Variants in MFAP4 observed in about 807,000 individuals in gnomAD.
MFAP4 encodes microfibril associated protein 4.
Under a neutral mutation model 32.4 loss-of-function variants are expected in MFAP4, and 20 were observed. The ratio of observed to expected loss-of-function variants is 0.62; its 90% confidence interval spans 0.43 to 0.90. MFAP4 has a LOEUF of 0.90. Among genes scored for constraint, MFAP4 ranks in the 40% least tolerant of loss-of-function variants. The probability of loss-of-function intolerance (pLI) is 0.00; values close to 1 mark genes in which losing one functional copy is unlikely to be tolerated. For synonymous variants in MFAP4, 146 were observed against 137.4 expected (o/e 1.06, Z -0.44); for missense variants, 267 against 329.5 (o/e 0.81, Z 1.47).
In MFAP4 at chr17:19,385,149, T is replaced by C. The variant is rs917224849; in HGVS notation, c.470A>G (p.Glu157Gly). Residue 157 changes from glutamate to glycine, a missense_variant, in exon 5 of 6, where the codon GAG becomes GGG. Coordinates refer to ENST00000299610, the MANE Select transcript of MFAP4 (RefSeq NM_002404.3). The stretch of plus-strand genomic sequence containing the variant: ...CACAAAGAGGGTGTAGCCATCCTCC[T>C]CTGCGCTGACCGCGTTCGGGGAGAT... ...FSISPNAVSA[E>G]EDGYTLFVAG... The C allele has an allele frequency of 6.2e-7, 1 of 1,614,276 alleles. No individual in the cohort carries two copies. The highest frequency in any genetic ancestry group is 1.1e-5 in the South Asian group (1 of 91,090).
rs1912955241 is a variant in MFAP4 at position 19,384,662 on chromosome 17, G to C, written c.568C>G (p.Arg190Gly). 6.2e-7 allele frequency: 1 copy of C among 1,614,040 alleles called. No individual in the cohort carries two copies. The highest frequency in any genetic ancestry group is 8.5e-7 in the Non-Finnish European group (1 of 1,180,020). ...TTCTGCACAAAGAGGTCCTGGTCCC[G>C]GTCGAAGGTAGAGAACTTCTGGCCA... ...HSGQKFSTFD[R>G]DQDLFVQNCA... Residue 190 changes from arginine (R) to glycine (G), a missense_variant, in exon 6 of 6, where the codon CGG becomes GGG. Transcript: ENST00000299610.
intron 1 of MFAP4, 134 bp from the exon 2 acceptor site, chr17:19,386,972 T>TGCCGGGGGGCCCCCCCCCCC: frequency 1.2e-5 from 11 of 936,980 alleles, no homozygotes; most frequent in Non-Finnish European, 1.9e-5. Context: ...TGGCCCCTCT[T>TGCCGGGGGGCCCCCCCCCCC]CCCTGCCCCC....
rs376455652 is a variant in MFAP4 at position 19,386,301 on chromosome 17, C to G, written c.240+9G>C. ...CCAGCTCTGGCCTCTGTTCCCTCCT[C>G]CCACTCACCGTCCACTTCCCGCCCT... On this transcript the variant is annotated intron_variant, in intron 3 of 5. Coordinates refer to ENST00000299610, the MANE Select transcript of MFAP4 (RefSeq NM_002404.3). 4.4e-6 allele frequency: 7 copies of G among 1,587,216 alleles called. No homozygotes were observed. Among genetic ancestry groups the G allele is most frequent in the Middle Eastern group, 1.8e-4 (1 of 5,426 alleles).
chr17:19,386,972 T>TGCCAGGGGG, intron 1 of MFAP4, 134 bp from the exon 2 acceptor site: 1 of 937,014 alleles, frequency 1.1e-6, no homozygotes, highest in African/African-American at 1.7e-5. Context: ...TGGCCCCTCT[T>TGCCAGGGGG]CCCTGCCCCC....
In MFAP4 at chr17:19,386,458, T is replaced by C; in HGVS notation, c.92A>G (p.Glu31Gly). The change falls in exon 3 of 6, where the codon GAG becomes GGG. Residue 31 changes from glutamate to glycine, a missense_variant. Glu to Gly is a moderately conservative substitution (Grantham distance 98). Transcript: ENST00000299610. Reference sequence around the variant, plus strand: ...CAGGGGTTGCTGAAGGCAAAACCTCTCCAGAGCTGGGGGTAGGGACATGGG... The same window carrying C: ...CAGGGGTTGCTGAAGGCAAAACCTCCCCAGAGCTGGGGGTAGGGACATGGG... ...QVSGIRGDAL[E>G]RFCLQQPLDC... The C allele has an allele frequency of 6.2e-7, 1 of 1,612,314 alleles. No homozygotes were observed. Among genetic ancestry groups the C allele is most frequent in the Non-Finnish European group, 8.5e-7 (1 of 1,179,074 alleles).
At chr17:19,386,972 T>TGCCAGGCCCCCCCCCCCCCCC in intron 1 of MFAP4, 134 bp from the exon 2 acceptor site, 1 of 937,014 alleles carries the variant, frequency 1.1e-6, no homozygotes, top group Non-Finnish European at 1.7e-6. Context: ...TGGCCCCTCT[T>TGCCAGGCCCCCCCCCCCCCCC]CCCTGCCCCC....
Position 19,384,448 on chromosome 17 carries a change from A to G in MFAP4, c.*14T>C. The G allele has an allele frequency of 6.4e-7, 1 of 1,557,636 alleles. No homozygotes were observed. The highest frequency in any genetic ancestry group is 8.7e-7 in the Non-Finnish European group (1 of 1,149,698). ...GTGTCCAGGGGAGGAAAGGTGCCTG[A>G]GGGGGCCAGCCCTTCAGGCCCGGCG... On this transcript the variant is annotated 3_prime_UTR_variant, in exon 6 of 6. Transcript: ENST00000299610.
intron 3 of MFAP4, 34 bp downstream of exon 3, chr17:19,386,276 C>G: frequency 6.6e-7 from 1 of 1,522,596 alleles, no homozygotes; most frequent in Non-Finnish European, 8.8e-7. Context: ...GGGATTAGAA[C>G]CAGCTCTGGC....
Position 19,384,361 on chromosome 17 carries a change from G to T in MFAP4, c.*101C>A. ...CAAGGCCCCCTTGTAAGGAGTTGGT[G>T]CTCGGGAATCAGCAGAAGCATGCAT... On this transcript the variant is annotated 3_prime_UTR_variant, in exon 6 of 6. Coordinates refer to ENST00000299610, the MANE Select transcript of MFAP4 (RefSeq NM_002404.3). 1 of 1,382,544 alleles carries T rather than the reference G, an allele frequency of 7.2e-7. No homozygotes were observed. Among genetic ancestry groups the T allele is most frequent in the Non-Finnish European group, 9.8e-7 (1 of 1,025,624 alleles). The allele number at this position is 1,382,544 out of a possible 1,614,324, so 85.6% of individuals were successfully genotyped here. A position where few individuals can be genotyped will look rare whatever the true frequency, so the allele number is the denominator to read the frequency against.
intron 3 of MFAP4, among the ~76,000 whole-genome samples, chr17:19,385,802 G>A (rs1353107022): frequency 6.6e-6 from 1 of 152,204 alleles, no homozygotes; most frequent in Non-Finnish European, 1.5e-5. Context: ...TACTTCCCAG[G>A]ATTATTGTGA....
rs1289967098 is a variant in MFAP4 at position 19,385,289 on chromosome 17, G to A, written c.338-8C>T. ...GGTGCATGTTCTGCAGCCCTGGGGAGGAGGGGCAGCTGGTCAACAAGGACC... is the reference window on the plus strand; with the variant it reads ...GGTGCATGTTCTGCAGCCCTGGGGAAGAGGGGCAGCTGGTCAACAAGGACC... On this transcript the variant is annotated splice_region_variant and splice_polypyrimidine_tract_variant and intron_variant, in intron 4 of 5. Coordinates refer to ENST00000299610, the MANE Select transcript of MFAP4 (RefSeq NM_002404.3). The A allele has an allele frequency of 6.2e-7, 1 of 1,614,134 alleles. No homozygotes were observed. Among genetic ancestry groups the A allele is most frequent in the Non-Finnish European group, 8.5e-7 (1 of 1,180,036 alleles).
Position 19,387,157 on chromosome 17 carries a change from C to T in MFAP4, c.-2G>A, listed in dbSNP as rs139308357. On this transcript the variant is annotated 5_prime_UTR_variant, in exon 1 of 6. Coordinates refer to ENST00000299610, the MANE Select transcript of MFAP4 (RefSeq NM_002404.3). ...CGACCCTGGGCCCCGTACCTTCATG[C>T]TGTCAGTTCTGCTCAGAGTGGCTGG... 704 of 1,600,116 alleles carry T rather than the reference C, an allele frequency of 4.4e-4. 4 individuals carry two copies. In the African/African-American group the frequency reaches 8.2e-3, roughly 19 times the overall value.
chr17:19,386,722 G>C (rs1168935964), intron 2 of MFAP4, 38 bp downstream of exon 2: 3 of 1,549,420 alleles, frequency 1.9e-6, no homozygotes, highest in Non-Finnish European at 1.7e-6. Context: ...TGCACAACCT[G>C]TGGGCCAGGC....
In MFAP4 at chr17:19,386,816, A is replaced by G. The variant is rs1913053609; in HGVS notation, c.29T>C (p.Leu10Pro). The change falls in exon 2 of 6, where the codon CTG becomes CCG. Residue 10 changes from leucine (L) to proline (P), a missense_variant. Around this residue, in one of 3 missense-constraint regions of MFAP4, gnomAD observed 223 missense variants for 253.3 expected, o/e 0.88. Coordinates refer to ENST00000299610, the MANE Select transcript of MFAP4 (RefSeq NM_002404.3). The stretch of plus-strand genomic sequence containing the variant: ...ACACGGGGGCGTGGAGAGAAGCAGC[A>G]GCAGCGGCAGGGCCAGGAGTGCCTG... MKALLALPLLLLLSTPPCAP... is the reference protein window; with the variant it reads MKALLALPLPLLLSTPPCAP... 5 of 1,570,590 alleles carry G rather than the reference A, an allele frequency of 3.2e-6. No individual in the cohort carries two copies. The highest frequency in any genetic ancestry group is 1.9e-5 in the Admixed American group (1 of 53,440).
chr17:19,384,358 G>C lies in MFAP4; in HGVS notation c.*104C>G, dbSNP rs1284495568. On this transcript the variant is annotated 3_prime_UTR_variant, in exon 6 of 6. Transcript: ENST00000299610. ...CCACAAGGCCCCCTTGTAAGGAGTT[G>C]GTGCTCGGGAATCAGCAGAAGCATG... 7.4e-7 allele frequency: 1 copy of C among 1,353,260 alleles called. No homozygotes were observed. Among genetic ancestry groups the C allele is most frequent in the African/African-American group, 1.5e-5 (1 of 68,568 alleles). 83.8% of individuals were successfully genotyped at this position (1,353,260 alleles called of 1,614,324 possible). A position where few individuals can be genotyped will look rare whatever the true frequency, so the allele number is the denominator to read the frequency against.
intron 1 of MFAP4, 146 bp from the exon 2 acceptor site, chr17:19,386,984 C>CCCCCCCCCCCCCCCCAAA: frequency 1.1e-6 from 1 of 908,276 alleles, no homozygotes; most frequent in Non-Finnish European, 1.7e-6. Flanking sequence ...CCTGCCCCCC[C>CCCCCCCCCCCCCCCCAAA]ACCCCGCCCG....
intron 5 of MFAP4, 120 bp downstream of exon 5, chr17:19,384,979 G>T: frequency 7.6e-7 from 1 of 1,316,924 alleles, no homozygotes; most frequent in Non-Finnish European, 1.0e-6. Flanking sequence ...GCCAGCTGTG[G>T]CCCTTCCAGA....
At chr17:19,386,972 T>TGGCGTGGGGGCCCCCCCCCCCC in intron 1 of MFAP4, 134 bp from the exon 2 acceptor site, 1 of 937,014 alleles carries the variant, frequency 1.1e-6, no homozygotes, top group Non-Finnish European at 1.7e-6. Flanking sequence ...TGGCCCCTCT[T>TGGCGTGGGGGCCCCCCCCCCCC]CCCTGCCCCC....
At chr17:19,385,528 A>G (rs1913002789) in intron 3 of MFAP4, 74 bp from the exon 4 acceptor site, 2 of 1,365,668 alleles carry the variant, frequency 1.5e-6, no homozygotes, top group South Asian at 2.3e-5. Context: ...TGCCCACCTC[A>G]AGCATGGACC....
Sources: allele counts gnomAD v4.1 joint callset (sites outside exome capture counted in the v4.1 genomes callset), GRCh38; gene constraint gnomAD v4.1.1; regional missense constraint gnomAD v4.1.1; transcripts MANE v1.5; gene names NCBI Gene and HGNC (gene_info 2026-07-23, HGNC 2026-07-21).